CAPRIN2: variants seen among roughly 807,000 people sequenced by gnomAD.
The protein encoded by CAPRIN2 is caprin-2.
Under a neutral mutation model 130.4 loss-of-function variants are expected in CAPRIN2, and 66 were observed. The ratio of observed to expected loss-of-function variants is 0.51; its 90% CI spans 0.42 to 0.62. The LOEUF is 0.62. Ranked by LOEUF, CAPRIN2 falls within the 20% of genes least tolerant of loss-of-function variation. CAPRIN2 has a pLI of 0.00. For missense variants in CAPRIN2, 1,185 were observed against 1,246.6 expected, an observed-to-expected ratio of 0.95 and a Z score of 0.74; for synonymous variants, 471 against 444.1, an observed-to-expected ratio of 1.06 and a Z score of -0.76.
chr12:30,715,393 T>C (rs899251274), intron 13 of CAPRIN2: 1 of 578,530 alleles, frequency 1.7e-6, no homozygotes. Context: ...CCTTAAGACA[T>C]GCCAAGTAAA....
exon 9 of CAPRIN2, chr12:30,726,048 G>A (rs775132606): frequency 6.3e-7 from 1 of 1,593,172 alleles, no homozygotes; most frequent in Non-Finnish European, 8.6e-7. Flanking sequence ...CTTCGGAAGG[G>A]TAGAGGAAGA....
At chr12:30,719,274 C>G in intron 12 of CAPRIN2, 49 bp from the exon 14 acceptor site, 1 of 1,602,940 alleles carries the variant, frequency 6.2e-7, no homozygotes, top group South Asian at 1.1e-5. Context: ...ATATAACAAG[C>G]AGTTAACTTA....
exon 7 of CAPRIN2, chr12:30,730,239 C>G (rs1430520103): frequency 6.2e-7 from 1 of 1,609,542 alleles, no homozygotes; most frequent in Non-Finnish European, 8.5e-7. Flanking sequence ...AGTATCTTAC[C>G]TCTTGTGGTT....
intron 11 of CAPRIN2, among the ~76,000 whole-genome samples, chr12:30,721,259 T>G (rs1422852686): frequency 6.6e-6 from 1 of 152,212 alleles, no homozygotes; most frequent in Non-Finnish European, 1.5e-5. Context: ...TCATCCCATG[T>G]TCACTGATTC....
chr12:30,751,503 G>A (rs1206959996), intron 1 of CAPRIN2: 1 of 214,472 alleles, frequency 4.7e-6, no homozygotes, highest in Non-Finnish European at 9.6e-6. Context: ...CAATATCTAG[G>A]GATATTTTTG....
At chr12:30,739,880 A>C (rs2066619611) in intron 3 of CAPRIN2, among the ~76,000 whole-genome samples, 1 of 152,208 alleles carries the variant, frequency 6.6e-6, no homozygotes, top group African/African-American at 2.4e-5. Context: ...TAATCTAAAA[A>C]GAAGAAAAGA....
chr12:30,744,677 A>T (rs2069102135), intron 2 of CAPRIN2, among the ~76,000 whole-genome samples: 1 of 152,064 alleles, frequency 6.6e-6, no homozygotes, highest in Non-Finnish European at 1.5e-5. Flanking sequence ...ATCCCTTATC[A>T]TCCTATACTT....
intron 12 of CAPRIN2, among the ~76,000 whole-genome samples, chr12:30,717,763 C>G (rs1300872274): frequency 1.3e-5 from 2 of 151,904 alleles, no homozygotes; most frequent in Non-Finnish European, 2.9e-5. Flanking sequence ...AATATTTTAC[C>G]ATTTAATGAA....
At chr12:30,744,396 T>C (rs1405839504) in intron 2 of CAPRIN2, among the ~76,000 whole-genome samples, 1 of 152,226 alleles carries the variant, frequency 6.6e-6, no homozygotes, top group Non-Finnish European at 1.5e-5. Flanking sequence ...AATTTTCAAA[T>C]GGTGTACAAA....
chr12:30,732,622 T>A (rs183941789), intron 5 of CAPRIN2, among the ~76,000 whole-genome samples: 2 of 152,214 alleles, frequency 1.3e-5, no homozygotes, highest in Admixed American at 6.5e-5. Flanking sequence ...TAGAATTTCA[T>A]ATAAATGAAA....
rs2061707752 is a variant in CAPRIN2 at position 30,728,835 on chromosome 12, G to C, written c.1595C>G (p.Pro532Arg). ...TTTTGAATCCTGTTCTTCACACATGGGAGTGGTCCATGACTTGGTGGTGTT... is the reference window on the plus strand; with the variant it reads ...TTTTGAATCCTGTTCTTCACACATGCGAGTGGTCCATGACTTGGTGGTGTT... The change falls in exon 8 of 17, where the codon CCC becomes CGC. Residue 532 changes from proline (P) to arginine (R), a missense_variant. Transcript: ENST00000298892. 4 of 1,614,036 alleles carry C rather than the reference G, an allele frequency of 2.5e-6. No homozygotes were observed. Among genetic ancestry groups the C allele is most frequent in the Non-Finnish European group, 3.4e-6 (4 of 1,180,040 alleles).
At chr12:30,716,736 G>A in intron 12 of CAPRIN2, 60 bp from the exon 15 acceptor site, 3 of 1,486,292 alleles carry the variant, frequency 2.0e-6, no homozygotes, top group Non-Finnish European at 2.8e-6. Flanking sequence ...GCTTAAGGGT[G>A]GTATCCAGCA....
At chr12:30,713,636 C>A in intron 15 of CAPRIN2, 149 bp downstream of exon 17, 1 of 485,700 alleles carries the variant, frequency 2.1e-6, no homozygotes, top group Non-Finnish European at 3.7e-6. Context: ...AAACTTCCAA[C>A]TCAACTCTTC....
chr12:30,736,322 T>G (rs2064754739), intron 3 of CAPRIN2, among the ~76,000 whole-genome samples: 1 of 151,994 alleles, frequency 6.6e-6, no homozygotes, highest in Non-Finnish European at 1.5e-5. Flanking sequence ...ACCTAAAAGG[T>G]CTTTTCCCTC....
intron 3 of CAPRIN2, among the ~76,000 whole-genome samples, chr12:30,737,338 T>C (rs2065320611): frequency 6.6e-6 from 1 of 152,134 alleles, no homozygotes; most frequent in Non-Finnish European, 1.5e-5. Context: ...CTATATCTAC[T>C]GTTCACCAAT....
chr12:30,718,571 GC>G (rs1381327887), intron 12 of CAPRIN2, among the ~76,000 whole-genome samples: 1 of 152,144 alleles, frequency 6.6e-6, no homozygotes, highest in Non-Finnish European at 1.5e-5. Context: ...AGCCTTAATT[GC>G]AATTTGTAGA....
intron 11 of CAPRIN2, among the ~76,000 whole-genome samples, chr12:30,722,378 T>C (rs554843967): frequency 6.6e-6 from 1 of 152,256 alleles, no homozygotes; most frequent in South Asian, 2.1e-4. Flanking sequence ...TAGAAATGTA[T>C]ACCTTATGAC....
At chr12:30,719,420 GCTTGCTGAC>G in intron 12 of CAPRIN2, 195 bp from the exon 14 acceptor site, 1 of 584,862 alleles carries the variant, frequency 1.7e-6, no homozygotes. Flanking sequence ...GCTTTGCACA[GCTTGCTGAC>G]TAAGTGAAAG....
intron 2 of CAPRIN2, among the ~76,000 whole-genome samples, chr12:30,743,765 T>C (rs887551029): frequency 6.6e-6 from 1 of 152,204 alleles, no homozygotes; most frequent in Non-Finnish European, 1.5e-5. Context: ...TTAGCCATTA[T>C]TGTCCAAACA....
Sources: gnomAD v4.1 joint callset for allele counts (sites outside exome capture counted in the v4.1 genomes callset) on GRCh38, gnomAD v4.1.1 for gene constraint, MANE v1.5 for transcripts, NCBI Gene and HGNC (gene_info 2026-07-23, HGNC 2026-07-21) for gene names.